The following LGMN variants were observed in gnomAD, a reference collection of about 807,000 sequenced individuals.
LGMN encodes the protein asparaginyl endopeptidase.
A neutral mutation model predicts 56.8 loss-of-function variants in LGMN; 36 were observed. The observed-to-expected ratio is 0.63, with a 90% confidence interval of 0.49 to 0.84. LGMN has a LOEUF of 0.84. Ranked by LOEUF, LGMN falls within the 40% of genes least tolerant of loss-of-function variation. The pLI, the probability that LGMN is intolerant of heterozygous loss-of-function variation, is 0.00. For missense variants in LGMN, 446 were observed against 556.1 expected (o/e 0.80, Z 1.99); for synonymous variants, 199 against 210.1 (o/e 0.95, Z 0.46).
chr14:92,705,371 G>A (rs547779379), intron 12 of LGMN, among the ~76,000 whole-genome samples: 231 of 152,026 alleles, frequency 1.5e-3, no homozygotes, highest in African/African-American at 4.9e-3. Flanking sequence ...GTGTGGTGGC[G>A]CGTGCCTGTA....
chr14:92,713,961 A>C, intron 6 of LGMN, 76 bp from the exon 7 acceptor site: 1 of 1,065,086 alleles, frequency 9.4e-7, no homozygotes, highest in South Asian at 1.3e-5. Flanking sequence ...TAAAGTTCTG[A>C]TGATCCTTCA....
chr14:92,720,661 C>G (rs1322610308), intron 2 of LGMN, among the ~76,000 whole-genome samples: 1 of 152,098 alleles, frequency 6.6e-6, no homozygotes, highest in Non-Finnish European at 1.5e-5. Context: ...GAGCAAAACT[C>G]TGTCGATTGT....
chr14:92,736,243 G>A (rs1470094490), intron 1 of LGMN, among the ~76,000 whole-genome samples: 1 of 152,234 alleles, frequency 6.6e-6, no homozygotes, highest in Admixed American at 6.5e-5. Context: ...AACGGACAGA[G>A]GACCGTTAAT....
chr14:92,717,846 C>T (rs1373702021), intron 3 of LGMN, among the ~76,000 whole-genome samples: 3 of 152,258 alleles, frequency 2.0e-5, no homozygotes, highest in East Asian at 3.9e-4. Flanking sequence ...AGAGCTTAGG[C>T]GTTAAAGCGT....
intron 11 of LGMN, 41 bp from the exon 12 acceptor site, chr14:92,706,694 T>C: frequency 6.6e-7 from 1 of 1,516,362 alleles, no homozygotes; most frequent in South Asian, 1.2e-5. Flanking sequence ...CCTCCCTGAA[T>C]GCGGTCTCTC....
intron 1 of LGMN, among the ~76,000 whole-genome samples, chr14:92,743,749 C>T (rs111511244): frequency 3.3e-5 from 5 of 149,574 alleles, no homozygotes; most frequent in Admixed American, 6.7e-5. Flanking sequence ...TGCAGTGAGC[C>T]GAGATCAAAC....
intron 1 of LGMN, among the ~76,000 whole-genome samples, chr14:92,735,651 C>G (rs1253857420): frequency 6.6e-6 from 1 of 152,184 alleles, no homozygotes; most frequent in Non-Finnish European, 1.5e-5. Context: ...CTACACTGCT[C>G]CACCCTCAAG....
chr14:92,721,760 T>C (rs1890490852), intron 2 of LGMN, among the ~76,000 whole-genome samples: 1 of 151,890 alleles, frequency 6.6e-6, no homozygotes, highest in African/African-American at 2.4e-5. Flanking sequence ...GCTGGAAAAA[T>C]AAATTGTCAT....
chr14:92,737,993 T>C (rs1446084532), intron 1 of LGMN, among the ~76,000 whole-genome samples: 1 of 152,206 alleles, frequency 6.6e-6, no homozygotes, highest in Non-Finnish European at 1.5e-5. Context: ...GTTTCGTTCA[T>C]ATGACATAGT....
chr14:92,713,507 G>A (rs996367346), intron 7 of LGMN, among the ~76,000 whole-genome samples: 1 of 152,226 alleles, frequency 6.6e-6, no homozygotes, highest in Non-Finnish European at 1.5e-5. Context: ...AGGAATAGGA[G>A]TCTGCAAAGT....
chr14:92,733,356 C>A (rs763899778), intron 1 of LGMN, among the ~76,000 whole-genome samples: 8 of 152,050 alleles, frequency 5.3e-5, no homozygotes, highest in Non-Finnish European at 1.0e-4. Context: ...CCAAGTCATG[C>A]ATATAAAATA....
At chr14:92,736,286 A>G (rs765525638) in intron 1 of LGMN, among the ~76,000 whole-genome samples, 5 of 152,074 alleles carry the variant, frequency 3.3e-5, no homozygotes, top group Non-Finnish European at 5.9e-5. Flanking sequence ...ACAAGAATCT[A>G]TGTTATTATC....
intron 1 of LGMN, among the ~76,000 whole-genome samples, chr14:92,734,390 C>T (rs1017912185): frequency 3.9e-5 from 6 of 152,216 alleles, no homozygotes; most frequent in South Asian, 2.1e-4. Context: ...AAAGCGGAGG[C>T]GGATGGACCA....
At chr14:92,740,898 C>T (rs2140278647) in intron 1 of LGMN, among the ~76,000 whole-genome samples, 1 of 152,258 alleles carries the variant, frequency 6.6e-6, no homozygotes, top group East Asian at 1.9e-4. Flanking sequence ...TAAAAGACTT[C>T]ACTTGGGGCC....
intron 2 of LGMN, among the ~76,000 whole-genome samples, chr14:92,729,467 GCC>G (rs777922277): frequency 2.0e-4 from 5 of 25,392 alleles, no homozygotes; most frequent in African/African-American, 5.8e-4. Flanking sequence ...CTCAGATCAC[GCC>G]CCCCCCCCCC....
chr14:92,707,499 C>T (rs146402280), intron 11 of LGMN, among the ~76,000 whole-genome samples: 193 of 152,290 alleles, frequency 1.3e-3, no homozygotes, highest in African/African-American at 4.3e-3. Context: ...GAAAGAACAG[C>T]GCCCGACGGC....
chr14:92,715,214 G>GGTGT (rs145432785), intron 5 of LGMN, among the ~76,000 whole-genome samples: 11,249 of 148,792 alleles, frequency 0.076, 489 homozygotes, highest in East Asian at 0.18. Context: ...GGTCAGGGTG[G>GGTGT]GTGTGTGTGT....
chr14:92,715,875 C>T (rs373748774), intron 5 of LGMN: 17 of 265,728 alleles, frequency 6.4e-5, no homozygotes, highest in Middle Eastern at 1.2e-3. Context: ...AGACAAGGAA[C>T]GAGGAGTTTA....
chr14:92,711,392 C>T (rs182300166), intron 10 of LGMN, among the ~76,000 whole-genome samples: 30 of 152,306 alleles, frequency 2.0e-4, no homozygotes, highest in East Asian at 1.9e-3. Context: ...CTACCTTGTA[C>T]GCTTGGGTTT....
Sources: allele counts gnomAD v4.1 joint callset (sites outside exome capture counted in the v4.1 genomes callset), GRCh38; gene constraint gnomAD v4.1.1; transcripts MANE v1.5; gene names NCBI Gene and HGNC (gene_info 2026-07-23, HGNC 2026-07-21).